The following TGFBR2 variants were observed in gnomAD, a reference collection of about 807,000 sequenced individuals.
TGFBR2 encodes the protein TGF-beta receptor type-2.
In TGFBR2, 18 loss-of-function variants were observed where a neutral mutation model predicts 49.0. The ratio of observed to expected loss-of-function variants is 0.37; its 90% confidence interval spans 0.25 to 0.54. TGFBR2 has a LOEUF of 0.54. TGFBR2 is among the 20% of genes least tolerant of loss of function. The probability of loss-of-function intolerance (pLI) is 0.85; values close to 1 mark genes in which losing one functional copy is unlikely to be tolerated. For synonymous variants in TGFBR2, 282 were observed against 275.9 expected (o/e 1.02, Z -0.22); for missense variants, 525 against 722.6 (o/e 0.73, Z 3.13).
intron 3 of TGFBR2, among the ~76,000 whole-genome samples, chr3:30,669,746 C>T (rs1219172089): frequency 2.0e-5 from 3 of 152,360 alleles, no homozygotes; most frequent in Admixed American, 1.3e-4. Context: ...CCCGTGCAAG[C>T]TCCCAGCTTG....
At chr3:30,612,973 T>C (rs958433890) in intron 1 of TGFBR2, among the ~76,000 whole-genome samples, 3 of 152,098 alleles carry the variant, frequency 2.0e-5, no homozygotes, top group Non-Finnish European at 4.4e-5. Flanking sequence ...GTAGTCAGTT[T>C]AGTCTACTTA....
At chr3:30,668,160 A>G (rs1402937981) in intron 3 of TGFBR2, among the ~76,000 whole-genome samples, 1 of 152,218 alleles carries the variant, frequency 6.6e-6, no homozygotes, top group Non-Finnish European at 1.5e-5. Flanking sequence ...TTTGAGAAGT[A>G]TCATTCCACG....
intron 3 of TGFBR2, among the ~76,000 whole-genome samples, chr3:30,671,372 T>C: frequency 6.6e-6 from 1 of 152,110 alleles, no homozygotes; most frequent in East Asian, 1.9e-4. Context: ...AATAAGACAG[T>C]TTTCCAAGTT....
intron 3 of TGFBR2, among the ~76,000 whole-genome samples, chr3:30,671,228 T>G (rs1263615682): frequency 6.6e-6 from 1 of 152,048 alleles, no homozygotes; most frequent in South Asian, 2.1e-4. Flanking sequence ...CAGCATGGAG[T>G]TCCCTGTCCG....
chr3:30,634,595 T>C (rs892824416), intron 1 of TGFBR2, among the ~76,000 whole-genome samples: 4 of 152,226 alleles, frequency 2.6e-5, no homozygotes, highest in Admixed American at 6.5e-5. Flanking sequence ...TTTAGTTGAA[T>C]TGGAATGTTG....
At chr3:30,622,160 A>G (rs1698242111) in intron 1 of TGFBR2, among the ~76,000 whole-genome samples, 2 of 152,218 alleles carry the variant, frequency 1.3e-5, no homozygotes, top group South Asian at 2.1e-4. Flanking sequence ...TATCATCAAG[A>G]AAGTCTTTGG....
At chr3:30,636,606 G>T (rs1698537534) in intron 1 of TGFBR2, among the ~76,000 whole-genome samples, 1 of 152,102 alleles carries the variant, frequency 6.6e-6, no homozygotes, top group South Asian at 2.1e-4. Context: ...GAAATAAAAA[G>T]TTGCTTCTCA....
At chr3:30,691,017 C>T (rs188945752) in intron 6 of TGFBR2, among the ~76,000 whole-genome samples, 1 of 152,286 alleles carries the variant, frequency 6.6e-6, no homozygotes, top group African/African-American at 2.4e-5. Context: ...CTGTACTTTC[C>T]ACTCAATTTT....
upstream of TGFBR2, chr3:30,606,530 G>T: frequency 3.7e-6 from 1 of 269,026 alleles, no homozygotes; most frequent in East Asian, 5.3e-5. Context: ...CGGGCGGAGA[G>T]AGGTCCTGCC....
At chr3:30,620,149 T>C (rs925533459) in intron 1 of TGFBR2, among the ~76,000 whole-genome samples, 8 of 152,156 alleles carry the variant, frequency 5.3e-5, no homozygotes, top group African/African-American at 1.7e-4. Context: ...ATCGCGCCAC[T>C]GCACTCCAGC....
chr3:30,606,521 G>C (rs560984752), upstream of TGFBR2: 10 of 261,320 alleles, frequency 3.8e-5, no homozygotes, highest in East Asian at 4.9e-4. Flanking sequence ...GAAGGCTCTC[G>C]GGCGGAGAGA....
chr3:30,671,928 C>G lies in TGFBR2; in HGVS notation c.745C>G (p.Leu249Val), dbSNP rs1278268899. The change falls in exon 4 of 7, where the codon CTG becomes GTG. Residue 249 changes from leucine to valine, a missense_variant. Leu to Val is a conservative substitution (Grantham distance 32). Coordinates refer to ENST00000295754, the MANE Select transcript of TGFBR2 (RefSeq NM_003242.6). ...TELLPIELDT[L>V]VGKGRFAEVY... ...GCTGCTGCCCATTGAGCTGGACACCCTGGTGGGGAAAGGTCGCTTTGCTGA... is the reference window on the plus strand; with the variant it reads ...GCTGCTGCCCATTGAGCTGGACACCGTGGTGGGGAAAGGTCGCTTTGCTGA... The G allele has an allele frequency of 6.2e-7, 1 of 1,614,188 alleles. No homozygotes were observed. The highest frequency in any genetic ancestry group is 8.5e-7 in the Non-Finnish European group (1 of 1,180,044).
In TGFBR2 at chr3:30,681,638, G is replaced by A. The variant is rs186749735; in HGVS notation, c.1397-6746G>A. Among the ~76,000 whole-genome samples, 130 of 152,288 alleles carry A rather than the reference G, an allele frequency of 8.5e-4. 1 individual carries two copies. The highest frequency in any genetic ancestry group is 1.6e-3 in the Admixed American group (24 of 15,304). On this transcript the variant is annotated intron_variant, in intron 5 of 6. Coordinates refer to ENST00000295754, the MANE Select transcript of TGFBR2 (RefSeq NM_003242.6). ...AGGGAGATGGAAGTAAGAGAAAGTC[G>A]TTCTCAAGCAGTGAAATAAAGAGGT...
intron 1 of TGFBR2, among the ~76,000 whole-genome samples, chr3:30,640,722 G>A (rs1051695660): frequency 1.3e-5 from 2 of 152,140 alleles, no homozygotes; most frequent in Admixed American, 1.3e-4. Flanking sequence ...GATACAGAAG[G>A]CTGACTATAT....
chr3:30,673,176 G>A lies in TGFBR2; in HGVS notation c.1254+739G>A, dbSNP rs1283949641. 5.3e-5 allele frequency among the ~76,000 whole-genome samples: 8 copies of A among 152,286 alleles called. No individual in the cohort carries two copies. In the East Asian group the frequency reaches 1.2e-3, roughly 22 times the overall value. On this transcript the variant is annotated intron_variant, in intron 4 of 6. Coordinates refer to ENST00000295754, the MANE Select transcript of TGFBR2 (RefSeq NM_003242.6). Reference sequence around the variant, plus strand: ...CAGTCAGCCCTGTGTCCATGGCAGCGCACGCAGTGTTGAGGTAAACATCGA... The same window carrying A: ...CAGTCAGCCCTGTGTCCATGGCAGCACACGCAGTGTTGAGGTAAACATCGA...
At position 30,637,051 on chromosome 3, in the gene TGFBR2, A is replaced by G. The variant is rs547311263; in HGVS notation, c.95-7696A>G. ...TGCACTCCAGCCTGGGTGACAGAGCAAGACTCTGTCTGAAAAAAAAAAAAA... is the reference window on the plus strand; with the variant it reads ...TGCACTCCAGCCTGGGTGACAGAGCGAGACTCTGTCTGAAAAAAAAAAAAA... On this transcript the variant is annotated intron_variant, in intron 1 of 6. Transcript: ENST00000295754. Among the ~76,000 whole-genome samples, 8 of 150,642 alleles carry G rather than the reference A, an allele frequency of 5.3e-5. No homozygotes were observed. The South Asian group carries it at 1.7e-3, about 32-fold the overall frequency.
intron 1 of TGFBR2, among the ~76,000 whole-genome samples, chr3:30,635,678 C>T (rs1698514670): frequency 6.6e-6 from 1 of 152,116 alleles, no homozygotes; most frequent in African/African-American, 2.4e-5. Context: ...TTTAAAGTAC[C>T]TCATTGGATG....
intron 1 of TGFBR2, among the ~76,000 whole-genome samples, chr3:30,628,503 AAAAAGCCTTTG>A (rs1385794432): frequency 1.3e-5 from 2 of 150,902 alleles, no homozygotes; most frequent in African/African-American, 4.9e-5. Context: ...CAAAAAAAAA[AAAAAGCCTTTG>A]AAAAAGCCTG....
chr3:30,655,494 T>G (rs1018432017), intron 3 of TGFBR2, among the ~76,000 whole-genome samples: 4 of 152,188 alleles, frequency 2.6e-5, no homozygotes, highest in African/African-American at 9.7e-5. Context: ...TTGGATAATA[T>G]TACAAATTAG....
Sources: allele counts gnomAD v4.1 joint callset (sites outside exome capture counted in the v4.1 genomes callset), GRCh38; gene constraint gnomAD v4.1.1; transcripts MANE v1.5; gene names NCBI Gene and HGNC (gene_info 2026-07-23, HGNC 2026-07-21).